The following MAST3 variants were observed in gnomAD, a reference collection of about 807,000 sequenced individuals.
The protein encoded by MAST3 is microtubule-associated serine/threonine-protein kinase 3.
Under a neutral mutation model 127.0 loss-of-function variants are expected in MAST3, and 43 were observed. That is an observed-to-expected ratio of 0.34 (90% confidence interval 0.27 to 0.44). The LOEUF (loss-of-function observed/expected upper bound fraction) is 0.44. Among genes scored for constraint, MAST3 ranks in the 20% least tolerant of loss-of-function variants. The pLI is 1.00. For missense variants in MAST3, 1,390 were observed against 1,919.1 expected (o/e 0.72, Z 5.15); for synonymous variants, 785 against 809.2 (o/e 0.97, Z 0.51).
intron 9 of MAST3, 58 bp downstream of exon 9, chr19:18,124,206 G>A: frequency 1.3e-6 from 2 of 1,589,132 alleles, no homozygotes; most frequent in East Asian, 2.3e-5. Context: ...AGTGAGGGGG[G>A]TCCCCAGGCC....
chr19:18,125,672 C>T (rs566518409), intron 11 of MAST3, among the ~76,000 whole-genome samples: 22 of 142,456 alleles, frequency 1.5e-4, no homozygotes, highest in Non-Finnish European at 2.6e-4. Context: ...ACCCTGGAGG[C>T]GGAGGTTGCA....
intron 11 of MAST3, among the ~76,000 whole-genome samples, chr19:18,125,270 G>T: frequency 6.6e-6 from 1 of 152,196 alleles, no homozygotes; most frequent in East Asian, 1.9e-4. Flanking sequence ...AGGGGCCTCA[G>T]TGTCCTCAAA....
chr19:18,103,187 C>T (rs1196205306), intron 1 of MAST3, among the ~76,000 whole-genome samples: 1 of 152,038 alleles, frequency 6.6e-6, no homozygotes, highest in Non-Finnish European at 1.5e-5. Flanking sequence ...GTCCAGCTTC[C>T]CCGGGAGCCT....
intron 1 of MAST3, chr19:18,098,857 G>C (rs1417835625): frequency 2.2e-6 from 1 of 454,684 alleles, no homozygotes; most frequent in Non-Finnish European, 4.4e-6. Flanking sequence ...CCAACCTGTT[G>C]GGGGAGGTAG....
chr19:18,104,179 C>CAAAAA lies in MAST3; in HGVS notation c.40-3372_40-3368dup, dbSNP rs56347763. On this transcript the variant is annotated intron_variant, in intron 1 of 27. Transcript: ENST00000687212. ...TGGGCGACATAGCCAGACGCTGTCT[C>CAAAAA]AAAAAAAAAAAAAAAAAAAAAAAAA... 9.2e-4 allele frequency among the ~76,000 whole-genome samples: 40 copies of CAAAAA among 43,484 alleles called. 3 individuals are homozygous for CAAAAA. The highest frequency in any genetic ancestry group is 2.5e-3 in the African/African-American group (22 of 8,858). 28.5% of individuals were successfully genotyped at this position (43,484 alleles called of 152,430 possible). A position where few individuals can be genotyped will look rare whatever the true frequency, so the allele number is the denominator to read the frequency against.
intron 3 of MAST3, among the ~76,000 whole-genome samples, chr19:18,114,600 G>A (rs923042661): frequency 2.6e-5 from 4 of 152,152 alleles, no homozygotes; most frequent in Non-Finnish European, 4.4e-5. Flanking sequence ...TGGTCATATC[G>A]TAGACTCAGG....
At chr19:18,146,745 C>A in intron 25 of MAST3, 136 bp from the exon 26 acceptor site, 1 of 767,198 alleles carries the variant, frequency 1.3e-6, no homozygotes, top group Non-Finnish European at 2.1e-6. Context: ...GGGTAGGTCA[C>A]TGGTTGTGTG....
At position 18,127,152 on chromosome 19, in the gene MAST3, AG is replaced by A. The variant is rs2040744760; in HGVS notation, c.1079-1246del. Among the ~76,000 whole-genome samples, 3 of 151,698 alleles carry A rather than the reference AG, an allele frequency of 2.0e-5. No homozygotes were observed. In the South Asian group the frequency reaches 6.3e-4, roughly 32 times the overall value. On this transcript the variant is annotated intron_variant, in intron 11 of 27. Coordinates refer to ENST00000687212, the MANE Select transcript of MAST3 (RefSeq NM_001393504.1). ...GTAGTCCCACCTACTTGAGAGGCTG[AG>A]GTGGGAGGATTGCTTGAGTTTAGGA...
At chr19:18,148,426 C>T (rs932207262) in intron 27 of MAST3, among the ~76,000 whole-genome samples, 1 of 151,602 alleles carries the variant, frequency 6.6e-6, no homozygotes, top group Non-Finnish European at 1.5e-5. Context: ...TGCACCACTG[C>T]ACTCCAGCCT....
chr19:18,149,721 G>C lies in MAST3; in HGVS notation c.4039G>C (p.Asp1347His), dbSNP rs1261124914. ...VPVALGPTGR[D>H] ...AGTAGCTCTCGGGCCCACCGGAAGA[G>C]ACTGATCCCCTGCCAGGTCTCTCCC... The change falls in exon 28 of 28, where the codon GAC becomes CAC. Residue 1347 changes from aspartate to histidine, a missense_variant. By Grantham distance (81) the Asp-to-His change is moderately conservative. Transcript: ENST00000687212. The surrounding 1 kb of genome is among the most constrained non-coding windows in gnomAD (Gnocchi z 5.9). The C allele has an allele frequency of 6.2e-7, 1 of 1,612,042 alleles. No homozygotes were observed. Among genetic ancestry groups the C allele is most frequent in the East Asian group, 2.2e-5 (1 of 44,822 alleles).
intron 17 of MAST3, 24 bp from the exon 18 acceptor site, chr19:18,135,715 AT>A: frequency 6.4e-7 from 1 of 1,571,630 alleles, no homozygotes; most frequent in Admixed American, 1.8e-5. Flanking sequence ...TCCCTCCCTC[AT>A]TTTACCTCCC....
In MAST3 at chr19:18,107,673, A is replaced by T. The variant is rs956863190; in HGVS notation, c.71+55A>T. ...TGGGCCCCAGTGGTCTTGGAAGTGG[A>T]TATTTCAGCAACAGCCACTGAATTG... On this transcript the variant is annotated intron_variant, in intron 2 of 27. Transcript: ENST00000687212. 3.3e-6 allele frequency: 5 copies of T among 1,504,062 alleles called. No individual in the cohort carries two copies. The African/African-American group carries it at 5.6e-5, about 17-fold the overall frequency. The allele number at this position is 1,504,062 out of a possible 1,614,324, so 93.2% of individuals were successfully genotyped here.
intron 1 of MAST3, among the ~76,000 whole-genome samples, chr19:18,106,924 C>A (rs79711836): frequency 2.1e-4 from 32 of 151,410 alleles, no homozygotes; most frequent in African/African-American, 7.0e-4. Flanking sequence ...CCTCAGCCCC[C>A]CAAGTAGCTA....
At chr19:18,108,289 A>G (rs562905976) in intron 2 of MAST3, among the ~76,000 whole-genome samples, 1 of 151,018 alleles carries the variant, frequency 6.6e-6, no homozygotes, top group Non-Finnish European at 1.5e-5. Context: ...GACTCTGTCT[A>G]AAAAAAAAGA....
chr19:18,145,896 C>A lies in MAST3; in HGVS notation c.3162+31C>A, dbSNP rs1407145339. The A allele has an allele frequency of 1.3e-6, 2 of 1,548,010 alleles. No individual in the cohort carries two copies. Among genetic ancestry groups the A allele is most frequent in the Non-Finnish European group, 1.7e-6 (2 of 1,154,554 alleles). ...GCACCCCCACTGCCCACCCTCAGGG[C>A]TCCCCAGCACCCCTTGGCCGCAGCT... is the stretch of plus-strand genomic sequence containing the variant. On this transcript the variant is annotated intron_variant, in intron 25 of 27. Coordinates refer to ENST00000687212, the MANE Select transcript of MAST3 (RefSeq NM_001393504.1). This position sits in a 1 kb window ranked among gnomAD's most constrained non-coding sequence, Gnocchi z 5.9.
At chr19:18,114,244 G>A (rs573488895) in intron 3 of MAST3, among the ~76,000 whole-genome samples, 1 of 149,856 alleles carries the variant, frequency 6.7e-6, no homozygotes, top group African/African-American at 2.5e-5. Flanking sequence ...CTGGAGTACA[G>A]TGGTGCGATA....
Position 18,144,062 on chromosome 19 carries a change from G to C in MAST3, c.2584+55G>C. ...TGTCATGGAAGTTTCCCAGAGGAGG[G>C]GCTATTTGAGATGGGTTTTCAAGGA... is the stretch of plus-strand genomic sequence containing the variant. On this transcript the variant is annotated intron_variant, in intron 22 of 27. Coordinates refer to ENST00000687212, the MANE Select transcript of MAST3 (RefSeq NM_001393504.1). This position sits in a 1 kb window ranked among gnomAD's most constrained non-coding sequence, Gnocchi z 4.0. 1 of 1,534,036 alleles carries C rather than the reference G, an allele frequency of 6.5e-7. No homozygotes were observed.
At position 18,110,308 on chromosome 19, in the gene MAST3, C is replaced by G. The variant is rs2038440375; in HGVS notation, c.72-344C>G. The G allele has an allele frequency of 1.0e-6, 1 of 985,448 alleles. No individual in the cohort carries two copies. The highest frequency in any genetic ancestry group is 4.7e-5 in the South Asian group (1 of 21,298). 61.0% of individuals were successfully genotyped at this position (985,448 alleles called of 1,614,324 possible). A position where few individuals can be genotyped will look rare whatever the true frequency, so the allele number is the denominator to read the frequency against. On this transcript the variant is annotated intron_variant, in intron 2 of 27. Coordinates refer to ENST00000687212, the MANE Select transcript of MAST3 (RefSeq NM_001393504.1). This position sits in a 1 kb window ranked among gnomAD's most constrained non-coding sequence, Gnocchi z 4.3. ...CGGTACCCCGCCGCACAGAGGCGGC[C>G]TCTGCCTCGGCATGAAGTCCCGCAG...
At chr19:18,118,038 C>T (rs943638559) in intron 3 of MAST3, 3 of 872,482 alleles carry the variant, frequency 3.4e-6, no homozygotes, top group Non-Finnish European at 2.8e-6. Context: ...CTTCTCGCCG[C>T]CCCCCCATCC....
Sources: gnomAD v4.1 joint callset for allele counts (sites outside exome capture counted in the v4.1 genomes callset) on GRCh38, gnomAD v4.1.1 for gene constraint, Gnocchi (gnomAD v3.1) non-coding constraint, MANE v1.5 for transcripts, NCBI Gene and HGNC (gene_info 2026-07-23, HGNC 2026-07-21) for gene names.